The following FBXL17 variants were observed in gnomAD, a reference collection of about 807,000 sequenced individuals.
The protein encoded by FBXL17 is F-box and leucine rich repeat protein 17.
Under a neutral mutation model 66.2 loss-of-function variants are expected in FBXL17, and 22 were observed. That is an observed-to-expected ratio of 0.33 (90% confidence interval 0.24 to 0.47). The LOEUF is 0.47. Ranked by LOEUF, FBXL17 falls within the 20% of genes least tolerant of loss-of-function variation. The pLI is 1.00. For synonymous variants in FBXL17, 474 were observed against 400.5 expected, an observed-to-expected ratio of 1.18 and a Z score of -2.19; for missense variants, 878 against 948.2, an observed-to-expected ratio of 0.93 and a Z score of 0.97.
intron 4 of FBXL17, among the ~76,000 whole-genome samples, chr5:108,333,171 T>C (rs1028248167): frequency 6.7e-6 from 1 of 148,316 alleles, no homozygotes; most frequent in South Asian, 2.1e-4. Flanking sequence ...TATATATACA[T>C]ATTCAACATA....
At chr5:108,375,075 C>T (rs748956470) in intron 1 of FBXL17, among the ~76,000 whole-genome samples, 4 of 151,918 alleles carry the variant, frequency 2.6e-5, no homozygotes, top group South Asian at 4.1e-4. Flanking sequence ...ATGATGAGGC[C>T]GAGCACAATG....
At chr5:108,338,398 A>G (rs1304013477) in intron 4 of FBXL17, among the ~76,000 whole-genome samples, 3 of 152,150 alleles carry the variant, frequency 2.0e-5, no homozygotes, top group African/African-American at 4.8e-5. Context: ...CAGAGTCTCA[A>G]TATATTTATT....
chr5:107,964,836 A>G (rs571207656), intron 7 of FBXL17, among the ~76,000 whole-genome samples: 1 of 152,248 alleles, frequency 6.6e-6, no homozygotes, highest in East Asian at 1.9e-4. Flanking sequence ...TCATGAAAGT[A>G]CCTTACAATC....
intron 1 of FBXL17, 34 bp downstream of exon 1, chr5:108,380,665 A>G: frequency 3.2e-6 from 4 of 1,234,404 alleles, no homozygotes; most frequent in Non-Finnish European, 4.1e-6. Context: ...GGTGGGGGAA[A>G]GCGAGCATCC....
intron 6 of FBXL17, among the ~76,000 whole-genome samples, chr5:108,071,504 A>G (rs1433128547): frequency 6.6e-6 from 1 of 152,162 alleles, no homozygotes; most frequent in East Asian, 1.9e-4. Flanking sequence ...CTCAATCCAG[A>G]TCTAAGTTGA....
intron 6 of FBXL17, among the ~76,000 whole-genome samples, chr5:108,140,112 C>A (rs1751294747): frequency 6.6e-6 from 1 of 152,164 alleles, no homozygotes; most frequent in Non-Finnish European, 1.5e-5. Flanking sequence ...GTAGAGTCAT[C>A]TCAGCTCACT....
chr5:107,913,454 T>C (rs538668829), intron 7 of FBXL17, among the ~76,000 whole-genome samples: 1 of 152,236 alleles, frequency 6.6e-6, no homozygotes, highest in African/African-American at 2.4e-5. Flanking sequence ...AGAAGAACCA[T>C]GAAGAGACAG....
At chr5:108,055,308 A>C (rs1331985496) in intron 6 of FBXL17, among the ~76,000 whole-genome samples, 2 of 21,920 alleles carry the variant, frequency 9.1e-5, no homozygotes, top group African/African-American at 4.2e-4. Context: ...AAAAAAAAAA[A>C]AAAAAGAAAA....
At chr5:108,122,430 T>A (rs1750539808) in intron 6 of FBXL17, among the ~76,000 whole-genome samples, 1 of 152,202 alleles carries the variant, frequency 6.6e-6, no homozygotes, top group East Asian at 1.9e-4. Flanking sequence ...TATCACAAAT[T>A]AAGTATATTG....
chr5:108,258,189 G>C (rs1374077011), intron 4 of FBXL17, among the ~76,000 whole-genome samples: 1 of 152,086 alleles, frequency 6.6e-6, no homozygotes, highest in Non-Finnish European at 1.5e-5. Context: ...GATTCAACAG[G>C]GCCGTGGCTT....
At chr5:107,964,790 G>A (rs764823399) in intron 7 of FBXL17, among the ~76,000 whole-genome samples, 1 of 151,964 alleles carries the variant, frequency 6.6e-6, no homozygotes, top group African/African-American at 2.4e-5. Flanking sequence ...TCTTCTTTTT[G>A]GATTTTGTCA....
At chr5:107,964,240 G>A (rs1264275681) in intron 7 of FBXL17, among the ~76,000 whole-genome samples, 1 of 152,016 alleles carries the variant, frequency 6.6e-6, no homozygotes, top group Non-Finnish European at 1.5e-5. Context: ...TTTGTCATAT[G>A]TGCTTTCATG....
chr5:107,888,725 G>A lies in FBXL17; in HGVS notation c.1823-7546C>T, dbSNP rs76953880. 7.4e-4 allele frequency among the ~76,000 whole-genome samples: 113 copies of A among 152,248 alleles called. 1 individual carries two copies. In the East Asian group the frequency reaches 0.01, roughly 14 times the overall value. On this transcript the variant is annotated intron_variant, in intron 7 of 8. Coordinates refer to ENST00000542267, the MANE Select transcript of FBXL17 (RefSeq NM_001163315.3). ...GTATCATTTCTCAATGCTGTATAAT[G>A]TTTCATTCTGCTGATGGACATCTGG...
intron 4 of FBXL17, among the ~76,000 whole-genome samples, chr5:108,260,304 G>C (rs756330416): frequency 3.3e-5 from 5 of 152,056 alleles, no homozygotes; most frequent in Non-Finnish European, 7.4e-5. Flanking sequence ...CAGAGTGATT[G>C]GGAGATTGGG....
chr5:108,368,684 C>T (rs1748831733), intron 1 of FBXL17, among the ~76,000 whole-genome samples: 1 of 151,956 alleles, frequency 6.6e-6, no homozygotes, highest in Non-Finnish European at 1.5e-5. Context: ...CTGGTGAAAC[C>T]ACATAAAGAC....
chr5:108,094,992 A>G (rs1437354130), intron 6 of FBXL17, among the ~76,000 whole-genome samples: 1 of 152,036 alleles, frequency 6.6e-6, no homozygotes, highest in East Asian at 1.9e-4. Context: ...CAATCATCAC[A>G]CTGAGGAAAA....
intron 1 of FBXL17, among the ~76,000 whole-genome samples, chr5:108,377,425 G>C (rs552707294): frequency 6.6e-6 from 1 of 152,066 alleles, no homozygotes; most frequent in Non-Finnish European, 1.5e-5. Flanking sequence ...ACATTTTATC[G>C]ACAAAGGTTT....
intron 5 of FBXL17, among the ~76,000 whole-genome samples, chr5:108,195,331 A>T (rs1753636822): frequency 6.6e-6 from 1 of 152,156 alleles, no homozygotes; most frequent in Admixed American, 6.6e-5. Context: ...CAAAGATTTA[A>T]AGGAAATGAA....
At chr5:108,339,206 A>T (rs996658042) in intron 4 of FBXL17, among the ~76,000 whole-genome samples, 1 of 152,328 alleles carries the variant, frequency 6.6e-6, no homozygotes, top group South Asian at 2.1e-4. Context: ...ACTGGGAATA[A>T]GTCTTGGATA....
Sources: gnomAD v4.1 joint callset for allele counts (sites outside exome capture counted in the v4.1 genomes callset) on GRCh38, gnomAD v4.1.1 for gene constraint, MANE v1.5 for transcripts, NCBI Gene and HGNC (gene_info 2026-07-23, HGNC 2026-07-21) for gene names.